Variants in NLK observed in about 807,000 individuals in gnomAD.
The protein encoded by NLK is serine/threonine-protein kinase NLK.
A neutral mutation model predicts 59.0 loss-of-function variants in NLK; 11 were observed. That is an observed-to-expected ratio of 0.19 (90% CI 0.12 to 0.31). The LOEUF is 0.31. Among genes scored for constraint, NLK ranks in the 10% least tolerant of loss-of-function variants. The pLI is 1.00. For missense variants in NLK, 410 were observed against 661.1 expected (o/e 0.62, Z 4.16); for synonymous variants, 235 against 235.9 (o/e 1.00, Z 0.03).
chr17:28,153,031 T>C (rs950298488), intron 3 of NLK, among the ~76,000 whole-genome samples: 6 of 151,958 alleles, frequency 3.9e-5, no homozygotes, highest in Admixed American at 6.6e-5. Flanking sequence ...CCCAGCACTT[T>C]GGGAGGCCAA....
In NLK at chr17:28,043,009, C is replaced by G; in HGVS notation, c.136C>G (p.His46Asp). 2 of 1,556,584 alleles carry G rather than the reference C, an allele frequency of 1.3e-6. No homozygotes were observed. Among genetic ancestry groups the G allele is most frequent in the Non-Finnish European group, 1.7e-6 (2 of 1,149,504 alleles). ...CCTCCCTCCTCCTCACCTGCACCAC[C>G]ACCACCACCCTCAACACCATCTTCA... is the stretch of plus-strand genomic sequence containing the variant. Reference protein sequence around the residue: ...PHLPPPHLHHHHHPQHHLHPG... With the variant: ...PHLPPPHLHHDHHPQHHLHPG... The change falls in exon 1 of 11, where the codon CAC (histidine) becomes GAC (aspartate). Residue 46 changes from histidine (H) to aspartate (D), a missense_variant. Coordinates refer to ENST00000407008, the MANE Select transcript of NLK (RefSeq NM_016231.5).
chr17:28,107,181 C>G (rs1311842052), intron 1 of NLK, among the ~76,000 whole-genome samples: 1 of 152,056 alleles, frequency 6.6e-6, no homozygotes, highest in Non-Finnish European at 1.5e-5. Context: ...CGCCTGTAAT[C>G]CTAGCACTTT....
At chr17:28,061,862 A>G (rs1267051196) in intron 1 of NLK, 1 of 145,946 alleles carries the variant, frequency 6.9e-6, no homozygotes, top group Non-Finnish European at 1.5e-5. Context: ...TATAATATAT[A>G]CATATACATA....
intron 3 of NLK, among the ~76,000 whole-genome samples, chr17:28,155,923 TAAAAG>T (rs1907690469): frequency 6.6e-6 from 1 of 152,146 alleles, no homozygotes; most frequent in South Asian, 2.1e-4. Context: ...CTTAAAGTAT[TAAAAG>T]AACAATGTAT....
chr17:28,183,843 G>C (rs1333615777), intron 7 of NLK, among the ~76,000 whole-genome samples: 1 of 152,144 alleles, frequency 6.6e-6, no homozygotes, highest in Non-Finnish European at 1.5e-5. Flanking sequence ...TTCAAAGCTT[G>C]AGGAAAAAAT....
chr17:28,146,007 A>C (rs1250831377), intron 3 of NLK, among the ~76,000 whole-genome samples: 6 of 152,178 alleles, frequency 3.9e-5, no homozygotes, highest in Non-Finnish European at 8.8e-5. Context: ...CACCCAGCCA[A>C]AAGGAGCTTT....
chr17:28,086,878 C>CAT (rs924543471), intron 1 of NLK, among the ~76,000 whole-genome samples: 9 of 150,126 alleles, frequency 6.0e-5, no homozygotes, highest in East Asian at 5.8e-4. Context: ...AAAATATATA[C>CAT]ATATATATAT....
In NLK at chr17:28,043,120, G is replaced by A. The variant is rs1908926770; in HGVS notation, c.247G>A (p.Ala83Thr). The change falls in exon 1 of 11, where the codon GCC becomes ACC. Residue 83 changes from alanine to threonine, a missense_variant. By Grantham distance (58) the Ala-to-Thr change is moderately conservative. Around this residue, in one of 5 missense-constraint regions of NLK, gnomAD observed 160 missense variants for 171.0 expected, o/e 0.94. Coordinates refer to ENST00000407008, the MANE Select transcript of NLK (RefSeq NM_016231.5). ...AGCCGCAGCAGCGGCTGCAGCTGCA[G>A]CCATGTTAAACCCTGGGCAACAACA... is the stretch of plus-strand genomic sequence containing the variant. ...AAAAAAAAAA[A>T]MLNPGQQQPY... is the part of the protein sequence containing the mutation. The A allele has an allele frequency of 1.2e-6, 2 of 1,602,276 alleles. No homozygotes were observed. The highest frequency in any genetic ancestry group is 1.7e-6 in the Non-Finnish European group (2 of 1,174,394).
At position 28,159,087 on chromosome 17, in the gene NLK, A is replaced by G. The variant is rs944198972; in HGVS notation, c.645-2073A>G. Reference sequence around the variant, plus strand: ...CACAAAGGACGTGAAAGAGTTAACCAAATAGATGTCAGGAAGTACAGTCCA... The same window carrying G: ...CACAAAGGACGTGAAAGAGTTAACCGAATAGATGTCAGGAAGTACAGTCCA... On this transcript the variant is annotated intron_variant, in intron 3 of 10. Transcript: ENST00000407008. Among the ~76,000 whole-genome samples, 27 of 152,230 alleles carry G rather than the reference A, an allele frequency of 1.8e-4. 1 individual carries two copies.
At chr17:28,085,503 G>T (rs1479576957) in intron 1 of NLK, among the ~76,000 whole-genome samples, 4 of 152,190 alleles carry the variant, frequency 2.6e-5, no homozygotes, top group African/African-American at 9.7e-5. Context: ...ACTTTGGGAG[G>T]CCGAGGTGGG....
At chr17:28,204,313 A>G in the NLK span, among the ~76,000 whole-genome samples, 1 of 152,134 alleles carries the variant, frequency 6.6e-6, no homozygotes, top group Non-Finnish European at 1.5e-5. Flanking sequence ...GGGGTGAGGT[A>G]TGGGGCTTAT....
chr17:28,047,816 G>A (rs941162369), intron 1 of NLK: 3 of 393,346 alleles, frequency 7.6e-6, no homozygotes, highest in Non-Finnish European at 1.3e-5. Flanking sequence ...TTGGAAAAAT[G>A]CAGAATGCTT....
downstream of NLK, among the ~76,000 whole-genome samples, chr17:28,201,142 G>A (rs760842490): frequency 6.6e-6 from 1 of 152,200 alleles, no homozygotes; most frequent in Non-Finnish European, 1.5e-5. Flanking sequence ...TGCAGTGGGT[G>A]TGATCTTGGC....
chr17:28,100,742 T>C (rs548177081), intron 1 of NLK, among the ~76,000 whole-genome samples: 1 of 152,346 alleles, frequency 6.6e-6, no homozygotes, highest in East Asian at 1.9e-4. Context: ...TTTACTTTCA[T>C]AGTTTTTGCA....
chr17:28,199,554 T>G (rs1184384079), downstream of NLK, among the ~76,000 whole-genome samples: 24 of 150,970 alleles, frequency 1.6e-4, no homozygotes, highest in Non-Finnish European at 1.2e-4. Context: ...TAGTTCCAGC[T>G]ACTCAGAAGA....
intron 5 of NLK, among the ~76,000 whole-genome samples, chr17:28,167,941 A>T (rs2142053632): frequency 6.6e-6 from 1 of 152,262 alleles, no homozygotes; most frequent in Admixed American, 6.5e-5. Context: ...TTTTAAGAAA[A>T]TGATGTAAGT....
intron 3 of NLK, among the ~76,000 whole-genome samples, chr17:28,140,097 G>C (rs1330718759): frequency 6.6e-6 from 1 of 152,104 alleles, no homozygotes; most frequent in East Asian, 1.9e-4. Flanking sequence ...TAAGTATCAG[G>C]AGCATAATTA....
At chr17:28,134,703 T>C (rs1027583150) in intron 3 of NLK, among the ~76,000 whole-genome samples, 9 of 152,240 alleles carry the variant, frequency 5.9e-5, no homozygotes, top group African/African-American at 1.9e-4. Context: ...TGAAGGGTTA[T>C]TGGACTTGGG....
chr17:28,119,091 A>G (rs1164813234), intron 1 of NLK, among the ~76,000 whole-genome samples: 1 of 152,216 alleles, frequency 6.6e-6, no homozygotes, highest in African/African-American at 2.4e-5. Flanking sequence ...TGCATTTAGA[A>G]TAACCAGGGT....
Sources: allele counts gnomAD v4.1 joint callset (sites outside exome capture counted in the v4.1 genomes callset), GRCh38; gene constraint gnomAD v4.1.1; regional missense constraint gnomAD v4.1.1; transcripts MANE v1.5; gene names NCBI Gene and HGNC (gene_info 2026-07-23, HGNC 2026-07-21).